STON2: variants seen among roughly 807,000 people sequenced by gnomAD.
STON2 encodes the protein stonin 2, also known as stonin-2.
STON2 carries 29 observed loss-of-function variants against 65.7 expected under a neutral mutation model. That is an observed-to-expected ratio of 0.44 (90% CI 0.33 to 0.60). The LOEUF (loss-of-function observed/expected upper bound fraction) is 0.60, where lower values mean the gene tolerates loss of function less well. STON2 is among the 20% of genes least tolerant of loss of function. STON2 has a pLI of 0.03. For missense variants in STON2, 1,054 were observed against 1,118.1 expected (o/e 0.94, Z 0.82); for synonymous variants, 404 against 414.2 (o/e 0.98, Z 0.30).
intron 2 of STON2, among the ~76,000 whole-genome samples, chr14:81,411,814 T>C (rs1901176357): frequency 6.6e-6 from 1 of 152,102 alleles, no homozygotes; most frequent in Admixed American, 6.5e-5. Context: ...AAAGGAAGTA[T>C]GAAACAAGTC....
intron 5 of STON2, among the ~76,000 whole-genome samples, chr14:81,310,743 A>C (rs1161328134): frequency 6.6e-6 from 1 of 152,224 alleles, no homozygotes; most frequent in African/African-American, 2.4e-5. Context: ...AGAGATGGAC[A>C]GGAAACCTCC....
intron 2 of STON2, among the ~76,000 whole-genome samples, chr14:81,412,466 T>G (rs1413583239): frequency 7.1e-6 from 1 of 140,098 alleles, no homozygotes; most frequent in African/African-American, 2.9e-5. Context: ...GACATCATGC[T>G]AAGTGAAATA....
chr14:81,378,090 C>A (rs575434490), intron 3 of STON2, among the ~76,000 whole-genome samples: 1 of 152,152 alleles, frequency 6.6e-6, no homozygotes, highest in Non-Finnish European at 1.5e-5. Flanking sequence ...CAAGTGACAG[C>A]CCACCTTGGC....
intron 4 of STON2, among the ~76,000 whole-genome samples, chr14:81,335,923 G>GCT (rs1897355099): frequency 6.6e-6 from 1 of 152,078 alleles, no homozygotes; most frequent in Non-Finnish European, 1.5e-5. Flanking sequence ...ACCTGAAAAG[G>GCT]TAACAAAAAC....
intron 5 of STON2, among the ~76,000 whole-genome samples, chr14:81,300,056 T>G (rs1895912661): frequency 6.6e-6 from 1 of 151,976 alleles, no homozygotes; most frequent in Non-Finnish European, 1.5e-5. Flanking sequence ...ATTTCAAGAT[T>G]GACTATAAAG....
At position 81,271,413 on chromosome 14, in the gene STON2, A is replaced by G. The variant is rs147779023; in HGVS notation, c.2582-541T>C. Among the ~76,000 whole-genome samples the G allele has an allele frequency of 5.3e-3, 804 of 152,372 alleles. 6 individuals carry two copies. The highest frequency in any genetic ancestry group is 0.024 in the Middle Eastern group (7 of 294). ...AATAGCACATAGATATTAGGGAAGC[A>G]TATGGAACACTGGACAAAACACCAA... On this transcript the variant is annotated intron_variant, in intron 6 of 7. Transcript: ENST00000614646.
At chr14:81,312,591 T>A (rs1896466837) in intron 5 of STON2, among the ~76,000 whole-genome samples, 1 of 152,248 alleles carries the variant, frequency 6.6e-6, no homozygotes, top group Admixed American at 6.5e-5. Flanking sequence ...ACCTAGCAGA[T>A]GAACGTCCAT....
intron 3 of STON2, among the ~76,000 whole-genome samples, chr14:81,378,846 G>A (rs115005967): frequency 0.013 from 2,033 of 152,180 alleles, 52 homozygotes; most frequent in African/African-American, 0.046. Context: ...TACCATCATA[G>A]TATAGAAAAA....
intron 5 of STON2, among the ~76,000 whole-genome samples, chr14:81,302,124 G>A (rs1030060007): frequency 5.3e-5 from 8 of 152,164 alleles, no homozygotes; most frequent in Non-Finnish European, 8.8e-5. Context: ...TAGCCACTCT[G>A]GACTGTGCCT....
intron 4 of STON2, among the ~76,000 whole-genome samples, chr14:81,365,349 C>T (rs3915226): frequency 0.47 from 71,639 of 152,006 alleles, 17,303 homozygotes; most frequent in East Asian, 0.73. Flanking sequence ...TTCAAGGGTA[C>T]ATTAAACAAT....
Position 81,278,651 on chromosome 14 carries a change from A to G in STON2, c.831T>C (p.Pro277=), listed in dbSNP as rs2140124309. The change falls in exon 6 of 8, where the codon CCT becomes CCC. Residue 277 remains proline, a synonymous_variant. Coordinates refer to ENST00000614646, the MANE Select transcript of STON2 (RefSeq NM_001394390.1). ...AACGAGCAGAGGTCACTGGAGGGGC[A>G]GGGTGCCCATTCATGGCTGGACTGC... ...QASSPAMNGH[P]APPVTSARFP... The G allele has an allele frequency of 6.4e-7, 1 of 1,560,306 alleles. No homozygotes were observed. Among genetic ancestry groups the G allele is most frequent in the Non-Finnish European group, 8.7e-7 (1 of 1,152,604 alleles).
Position 81,277,413 on chromosome 14 carries a change from G to A in STON2, c.2069C>T (p.Pro690Leu), listed in dbSNP as rs1432161775. Residue 690 changes from proline to leucine, a missense_variant, in exon 6 of 8, where the codon CCC becomes CTC. By Grantham distance (98) the Pro-to-Leu change is moderately conservative. Transcript: ENST00000614646. ...CTTGATCCACTTTGTGGTGGTGGTG[G>A]GCATGATGTCCTGCCTCAAAACTAT... is the stretch of plus-strand genomic sequence containing the variant. ...NEIVLRQDIM[P>L]TTTTKWIKLH... The A allele has an allele frequency of 5.6e-6, 9 of 1,614,018 alleles. No individual in the cohort carries two copies. The highest frequency in any genetic ancestry group is 3.3e-5 in the South Asian group (3 of 91,082).
chr14:81,380,565 A>G (rs986481443), intron 3 of STON2, among the ~76,000 whole-genome samples: 1 of 152,238 alleles, frequency 6.6e-6, no homozygotes, highest in Non-Finnish European at 1.5e-5. Context: ...AAGATGTAGA[A>G]TCAACCCAGA....
intron 2 of STON2, among the ~76,000 whole-genome samples, chr14:81,408,234 G>T (rs1900972488): frequency 6.6e-6 from 1 of 151,960 alleles, no homozygotes; most frequent in Non-Finnish European, 1.5e-5. Flanking sequence ...AATCCTGGTT[G>T]TTTGCTCTTA....
At chr14:81,354,847 T>A (rs1157957143) in intron 4 of STON2, among the ~76,000 whole-genome samples, 1 of 152,048 alleles carries the variant, frequency 6.6e-6, no homozygotes, top group Non-Finnish European at 1.5e-5. Flanking sequence ...TGAAGCCCTG[T>A]CTCTACTAAA....
chr14:81,344,068 T>C (rs964357213), intron 4 of STON2, among the ~76,000 whole-genome samples: 2 of 152,094 alleles, frequency 1.3e-5, no homozygotes, highest in African/African-American at 4.8e-5. Context: ...AAGACAGAAA[T>C]ATTTGAAAGA....
chr14:81,426,970 C>G (rs1259461062), intron 2 of STON2: 2 of 152,194 alleles, frequency 1.3e-5, no homozygotes, highest in Non-Finnish European at 2.9e-5. Context: ...CACTTCTCAT[C>G]TCTCAGACAT....
chr14:81,315,438 T>C (rs771062278), intron 5 of STON2, among the ~76,000 whole-genome samples: 1 of 152,260 alleles, frequency 6.6e-6, no homozygotes, highest in East Asian at 1.9e-4. Flanking sequence ...AGCTGCTTTA[T>C]TGAAACATCA....
intron 4 of STON2, among the ~76,000 whole-genome samples, chr14:81,335,004 AT>A (rs199804587): frequency 0.017 from 1,955 of 112,668 alleles, 37 homozygotes; most frequent in African/African-American, 0.058. Context: ...CGCCTGGCTA[AT>A]TTTTTTTTTG....
Sources: gnomAD v4.1 joint callset for allele counts (sites outside exome capture counted in the v4.1 genomes callset) on GRCh38, gnomAD v4.1.1 for gene constraint, MANE v1.5 for transcripts, NCBI Gene and HGNC (gene_info 2026-07-23, HGNC 2026-07-21) for gene names.